MAN1A2: variants seen among roughly 807,000 people sequenced by gnomAD.
MAN1A2 encodes mannosyl-oligosaccharide 1,2-alpha-mannosidase IB.
In MAN1A2, 26 loss-of-function variants were observed where a neutral mutation model predicts 75.7. The ratio of observed to expected loss-of-function variants is 0.34; its 90% confidence interval spans 0.25 to 0.48. The LOEUF (loss-of-function observed/expected upper bound fraction) is 0.48. Among genes scored for constraint, MAN1A2 ranks in the 20% least tolerant of loss-of-function variants. MAN1A2 has a pLI of 0.99. For missense variants in MAN1A2, 562 were observed against 775.5 expected, an observed-to-expected ratio of 0.72 and a Z score of 3.27; for synonymous variants, 247 against 264.6, an observed-to-expected ratio of 0.93 and a Z score of 0.65.
rs1651134261 is a variant in MAN1A2 at position 117,499,468 on chromosome 1, C to T, written c.1591C>T (p.Arg531Cys). 1.9e-6 allele frequency: 3 copies of T among 1,608,288 alleles called. No homozygotes were observed. Among genetic ancestry groups the T allele is most frequent in the Admixed American group, 1.7e-5 (1 of 59,262 alleles). The change falls in exon 11 of 13, where the codon CGT becomes TGT. Residue 531 changes from arginine (R) to cysteine (C), a missense_variant. Arg to Cys is a radical substitution (Grantham distance 180). Coordinates refer to ENST00000356554, the MANE Select transcript of MAN1A2 (RefSeq NM_006699.5). Reference protein sequence around the residue: ...VRQAEKYYILRPEVIETYWYL... With the variant: ...VRQAEKYYILCPEVIETYWYL... ...GCAGGCTGAAAAGTATTATATCCTCCGTCCAGAAGTAATTGAAACCTATTG... is the reference window on the plus strand; with the variant it reads ...GCAGGCTGAAAAGTATTATATCCTCTGTCCAGAAGTAATTGAAACCTATTG...
At chr1:117,482,653 T>C (rs1033737557) in intron 8 of MAN1A2, among the ~76,000 whole-genome samples, 1 of 152,142 alleles carries the variant, frequency 6.6e-6, no homozygotes, top group African/African-American at 2.4e-5. Context: ...GCTTGTCAGA[T>C]GGGTAGATTG....
intron 6 of MAN1A2, among the ~76,000 whole-genome samples, chr1:117,446,348 T>C (rs1157277233): frequency 6.6e-6 from 1 of 152,090 alleles, no homozygotes; most frequent in Non-Finnish European, 1.5e-5. Flanking sequence ...GCTCCTTACA[T>C]TGGAACTGTA....
At chr1:117,480,938 C>G (rs535712273) in intron 8 of MAN1A2, among the ~76,000 whole-genome samples, 29 of 151,752 alleles carry the variant, frequency 1.9e-4, no homozygotes, top group African/African-American at 7.0e-4. Flanking sequence ...TCTAATGGTT[C>G]GTTACCTACA....
At chr1:117,472,501 A>G (rs1352871026) in intron 8 of MAN1A2, among the ~76,000 whole-genome samples, 1 of 151,998 alleles carries the variant, frequency 6.6e-6, no homozygotes, top group African/African-American at 2.4e-5. Context: ...TGTCCCTAAT[A>G]CCCTTGGAGA....
intron 5 of MAN1A2, among the ~76,000 whole-genome samples, chr1:117,440,402 T>C (rs1044771492): frequency 3.3e-5 from 5 of 152,206 alleles, no homozygotes; most frequent in African/African-American, 1.2e-4. Context: ...TTTTTACTTT[T>C]GATACTTTTT....
chr1:117,403,212 A>G (rs1265780770), intron 2 of MAN1A2, among the ~76,000 whole-genome samples: 3 of 152,234 alleles, frequency 2.0e-5, no homozygotes, highest in Non-Finnish European at 4.4e-5. Flanking sequence ...AATTTAGTTC[A>G]AGTAATCAAA....
intron 5 of MAN1A2, among the ~76,000 whole-genome samples, chr1:117,423,943 C>T (rs922032388): frequency 1.3e-5 from 2 of 148,228 alleles, no homozygotes; most frequent in Non-Finnish European, 3.0e-5. Context: ...AGTGCAATGG[C>T]GCGATCACAG....
intron 12 of MAN1A2, among the ~76,000 whole-genome samples, chr1:117,512,748 G>GTAC (rs1651575496): frequency 2.4e-5 from 1 of 42,318 alleles, no homozygotes; most frequent in Admixed American, 2.4e-4. Flanking sequence ...TAGGCACTGG[G>GTAC]ATACACACAC....
chr1:117,413,394 T>C (rs1647886228), intron 3 of MAN1A2, among the ~76,000 whole-genome samples: 1 of 151,844 alleles, frequency 6.6e-6, no homozygotes. Flanking sequence ...TTCTACTCAG[T>C]AGAAAGAGGA....
At position 117,526,880 on chromosome 1, in the gene MAN1A2, C is replaced by CTCTCTCTATATATATATATATA; in HGVS notation, c.*3924_*3925insCTCTCTATATATATATATATAT. The CTCTCTCTATATATATATATATA allele has an allele frequency of 2.2e-4, 12 of 54,510 alleles. No homozygotes were observed. The highest frequency in any genetic ancestry group is 7.2e-4 in the Admixed American group (3 of 4,172). 3.4% of individuals were successfully genotyped at this position (54,510 alleles called of 1,614,324 possible). On this transcript the variant is annotated 3_prime_UTR_variant, in exon 13 of 13. Coordinates refer to ENST00000356554, the MANE Select transcript of MAN1A2 (RefSeq NM_006699.5). ...TCTCTCTCTCTCTCTCTCTCTCTCTCTATATATATATATATATATATATAT... is the reference window on the plus strand; with the variant it reads ...TCTCTCTCTCTCTCTCTCTCTCTCTCTCTCTCTATATATATATATATATATATATATATATATATATATATAT...
intron 5 of MAN1A2, among the ~76,000 whole-genome samples, chr1:117,441,220 C>T (rs1486630416): frequency 6.6e-6 from 1 of 152,044 alleles, no homozygotes; most frequent in Non-Finnish European, 1.5e-5. Flanking sequence ...TCCTTATCTA[C>T]TTGTACATAT....
chr1:117,493,806 T>C (rs1422725337), intron 9 of MAN1A2: 2 of 151,978 alleles, frequency 1.3e-5, no homozygotes, highest in Admixed American at 1.3e-4. Context: ...AAAATAAGAA[T>C]TTATTTTAGT....
intron 12 of MAN1A2, among the ~76,000 whole-genome samples, chr1:117,503,927 T>C (rs1651276267): frequency 6.6e-6 from 1 of 151,684 alleles, no homozygotes; most frequent in East Asian, 1.9e-4. Context: ...TTTTAGCTTA[T>C]ACATTATAGA....
At chr1:117,442,391 T>C (rs1649065497) in intron 6 of MAN1A2, 66 bp downstream of exon 6, 1 of 999,378 alleles carries the variant, frequency 1.0e-6, no homozygotes, top group Admixed American at 1.8e-5. Flanking sequence ...TAGAAATTTC[T>C]AATGAGTCAC....
intron 6 of MAN1A2, among the ~76,000 whole-genome samples, chr1:117,453,977 CAA>C (rs2101827605): frequency 6.6e-6 from 1 of 152,186 alleles, no homozygotes; most frequent in African/African-American, 2.4e-5. Flanking sequence ...CCTCCACCAT[CAA>C]AAAAGAGTAT....
chr1:117,447,643 T>C (rs543965613), intron 6 of MAN1A2, among the ~76,000 whole-genome samples: 117 of 152,316 alleles, frequency 7.7e-4, no homozygotes, highest in African/African-American at 2.8e-3. Flanking sequence ...TAGATAAATA[T>C]AAAATCTTGT....
chr1:117,483,803 G>A (rs193301140), intron 8 of MAN1A2, among the ~76,000 whole-genome samples: 10 of 152,132 alleles, frequency 6.6e-5, no homozygotes, highest in South Asian at 6.2e-4. Flanking sequence ...GGGCATCCTT[G>A]TCTTGTGCCA....
intron 3 of MAN1A2, among the ~76,000 whole-genome samples, chr1:117,413,353 G>A (rs941452048): frequency 6.6e-6 from 1 of 151,922 alleles, no homozygotes; most frequent in Non-Finnish European, 1.5e-5. Flanking sequence ...GAACAAATTT[G>A]TGTAGCTTTA....
intron 7 of MAN1A2, 83 bp from the exon 8 acceptor site, chr1:117,466,251 G>A (rs1050680828): frequency 1.1e-6 from 1 of 892,164 alleles, no homozygotes; most frequent in African/African-American, 1.7e-5. Flanking sequence ...TTCTGAGTAA[G>A]AAAAAACACA....
Sources: allele counts gnomAD v4.1 joint callset (sites outside exome capture counted in the v4.1 genomes callset), GRCh38; gene constraint gnomAD v4.1.1; transcripts MANE v1.5; gene names NCBI Gene and HGNC (gene_info 2026-07-23, HGNC 2026-07-21).